LCP2: variants seen among roughly 807,000 people sequenced by gnomAD.
The protein encoded by LCP2 is lymphocyte cytosolic protein 2.
Under a neutral mutation model 74.5 loss-of-function variants are expected in LCP2, and 29 were observed. The ratio of observed to expected loss-of-function variants is 0.39; its 90% CI spans 0.29 to 0.53. The LOEUF (loss-of-function observed/expected upper bound fraction) is 0.53. Among genes scored for constraint, LCP2 ranks in the 20% least tolerant of loss-of-function variants. The pLI is 0.72. For synonymous variants in LCP2, 228 were observed against 229.5 expected, an observed-to-expected ratio of 0.99 and a Z score of 0.06; for missense variants, 604 against 634.6, an observed-to-expected ratio of 0.95 and a Z score of 0.52.
chr5:170,253,517 T>G (rs531415518), intron 17 of LCP2, among the ~76,000 whole-genome samples: 8 of 152,278 alleles, frequency 5.3e-5, no homozygotes, highest in East Asian at 1.9e-4. Flanking sequence ...ATAAAAAAAT[T>G]CGCAATTGTT....
At position 170,248,993 on chromosome 5, in the gene LCP2, A is replaced by G. The variant is rs1434910791; in HGVS notation, c.1480-174T>C. 2.0e-5 allele frequency among the ~76,000 whole-genome samples: 3 copies of G among 152,192 alleles called. No individual in the cohort carries two copies. In the East Asian group the frequency reaches 5.8e-4, roughly 29 times the overall value. ...TGATTTCTGCTATAGAACTTTGAAA[A>G]AATTCCTCATAAACATCCAACAAAC... On this transcript the variant is annotated intron_variant, in intron 20 of 20. Transcript: ENST00000046794.
intron 1 of LCP2, among the ~76,000 whole-genome samples, chr5:170,293,718 C>T (rs956570334): frequency 5.3e-5 from 8 of 152,198 alleles, no homozygotes; most frequent in African/African-American, 1.9e-4. Context: ...CCAGAGACGA[C>T]CTCGGTGTTT....
chr5:170,263,096 T>TA, intron 10 of LCP2, 104 bp from the exon 11 acceptor site: 1 of 1,342,318 alleles, frequency 7.4e-7, no homozygotes, highest in Non-Finnish European at 1.0e-6. Context: ...CTCTTGGGGG[T>TA]TGATGGGGTT....
intron 6 of LCP2, among the ~76,000 whole-genome samples, chr5:170,272,705 C>T (rs565344617): frequency 1.4e-5 from 2 of 146,100 alleles, no homozygotes; most frequent in East Asian, 2.0e-4. Flanking sequence ...CTCCACCTCC[C>T]GGGTTCAAGC....
At chr5:170,290,986 AAGAAAGAAAGAAAGAG>A (rs1452208715) in intron 2 of LCP2, among the ~76,000 whole-genome samples, 1,813 of 94,806 alleles carry the variant, frequency 0.019, 44 homozygotes, top group African/African-American at 0.064. Flanking sequence ...GAAAGAAAGA[AAGAAAGAAAGAAAGAG>A]AGAAAGAAAG....
Position 170,253,151 on chromosome 5 carries a change from T to G in LCP2, c.1213A>C (p.Lys405Gln). Residue 405 changes from lysine to glutamine, a missense_variant, in exon 18 of 21, where the codon AAA becomes CAA. Physicochemically the swap from Lys to Gln is moderately conservative, Grantham distance 53. Coordinates refer to ENST00000046794, the MANE Select transcript of LCP2 (RefSeq NM_005565.5). ...TCCGCGGGGGATGGGGGCCGAGGTT[T>G]GTTTGGAAGTGGCAAGGGGAAGTTT... is the stretch of plus-strand genomic sequence containing the variant. ...GRNFPLPLPN[K>Q]PRPPSPAEEE... 2 of 1,612,240 alleles carry G rather than the reference T, an allele frequency of 1.2e-6. No individual in the cohort carries two copies. The highest frequency in any genetic ancestry group is 1.7e-6 in the Non-Finnish European group (2 of 1,179,182).
At chr5:170,279,697 T>C (rs1426486204) in intron 3 of LCP2, among the ~76,000 whole-genome samples, 1 of 152,182 alleles carries the variant, frequency 6.6e-6, no homozygotes, top group Non-Finnish European at 1.5e-5. Flanking sequence ...TTGACACTGA[T>C]GAAATTGTTT....
intron 3 of LCP2, among the ~76,000 whole-genome samples, chr5:170,279,964 G>C (rs906875269): frequency 8.6e-5 from 13 of 151,956 alleles, no homozygotes; most frequent in African/African-American, 2.9e-4. Context: ...GAAAAGGAGG[G>C]AGAGAGAGAG....
At chr5:170,274,210 C>T in intron 6 of LCP2, 91 bp downstream of exon 6, 1 of 1,338,882 alleles carries the variant, frequency 7.5e-7, no homozygotes, top group Non-Finnish European at 1.1e-6. Flanking sequence ...ATGTTAGAGC[C>T]CCGCTTCACT....
Position 170,248,439 on chromosome 5 carries a change from G to T in LCP2, c.*258C>A. On this transcript the variant is annotated 3_prime_UTR_variant, in exon 21 of 21. Coordinates refer to ENST00000046794, the MANE Select transcript of LCP2 (RefSeq NM_005565.5). ...GGCATTAAATAATCTTTTAAAAAAT[G>T]AATTATTACAGTGCACTACTAGACT... 1.3e-5 allele frequency: 4 copies of T among 313,964 alleles called. No individual in the cohort carries two copies. Among genetic ancestry groups the T allele is most frequent in the Non-Finnish European group, 2.4e-5 (4 of 169,026 alleles). 19.4% of individuals were successfully genotyped at this position (313,964 alleles called of 1,614,324 possible).
rs544609236 is a variant in LCP2 at position 170,256,388 on chromosome 5, G to A, written c.1150+138C>T. On this transcript the variant is annotated intron_variant, in intron 17 of 20. Transcript: ENST00000046794. This position sits in a 1 kb window ranked among gnomAD's most constrained non-coding sequence, Gnocchi z 4.5. ...ACAGCCCTTGGCACACTGCAGACAC[G>A]GAATTAAATGTTGAATGAGGAAATC... The A allele has an allele frequency of 8.3e-6, 6 of 719,996 alleles. No homozygotes were observed. Among genetic ancestry groups the A allele is most frequent in the East Asian group, 2.7e-5 (1 of 37,146 alleles). 44.6% of individuals were successfully genotyped at this position (719,996 alleles called of 1,614,324 possible).
chr5:170,247,474 T>G lies in LCP2; in HGVS notation c.*1223A>C, dbSNP rs1266299993. On this transcript the variant is annotated 3_prime_UTR_variant, in exon 21 of 21. Coordinates refer to ENST00000046794, the MANE Select transcript of LCP2 (RefSeq NM_005565.5). ...TTTTCCATTTCGAAAACTTGTAGAT[T>G]AAGCAGAGACGCCAAAAATTGTTGC... is the stretch of plus-strand genomic sequence containing the variant. 6.6e-6 allele frequency: 1 copy of G among 152,238 alleles called. No individual in the cohort carries two copies. The highest frequency in any genetic ancestry group is 1.5e-5 in the Non-Finnish European group (1 of 68,040). The allele number at this position is 152,238 out of a possible 1,614,324, so 9.4% of individuals were successfully genotyped here.
chr5:170,274,059 TTGTC>T (rs1183859057), intron 6 of LCP2: 2 of 550,650 alleles, frequency 3.6e-6, no homozygotes, highest in African/African-American at 3.8e-5. Context: ...TGTTTGCTCA[TTGTC>T]TGTGGCTGCT....
chr5:170,280,285 CT>C (rs1057158120), intron 3 of LCP2, among the ~76,000 whole-genome samples: 3 of 152,148 alleles, frequency 2.0e-5, no homozygotes, highest in African/African-American at 7.2e-5. Flanking sequence ...GCCTCTCCCC[CT>C]GTGCTGTTCT....
chr5:170,261,941 C>G (rs1761662211), intron 13 of LCP2, among the ~76,000 whole-genome samples: 1 of 152,166 alleles, frequency 6.6e-6, no homozygotes, highest in Non-Finnish European at 1.5e-5. Flanking sequence ...AAACATTACT[C>G]TAAAATGTTA....
intron 6 of LCP2, among the ~76,000 whole-genome samples, chr5:170,273,489 G>T (rs773952402): frequency 6.6e-5 from 10 of 152,078 alleles, no homozygotes; most frequent in South Asian, 2.1e-4. Flanking sequence ...CCTTCTGAAG[G>T]CACTAGAGGT....
chr5:170,281,494 A>G (rs576491754), intron 3 of LCP2, among the ~76,000 whole-genome samples: 9 of 152,252 alleles, frequency 5.9e-5, no homozygotes, highest in Non-Finnish European at 1.2e-4. Context: ...GTTAGCCAGG[A>G]TGGTCTCGAT....
chr5:170,254,173 G>T (rs1392196355), intron 17 of LCP2, among the ~76,000 whole-genome samples: 2 of 152,128 alleles, frequency 1.3e-5, no homozygotes, highest in Admixed American at 1.3e-4. Flanking sequence ...TGCATATGGG[G>T]AAATACAGGC....
At chr5:170,278,732 C>T (rs1581070402) in intron 3 of LCP2, among the ~76,000 whole-genome samples, 2 of 152,084 alleles carry the variant, frequency 1.3e-5, no homozygotes, top group South Asian at 4.1e-4. Context: ...TCACCAGTAT[C>T]TCTAGCAGCC....
Sources: allele counts gnomAD v4.1 joint callset (sites outside exome capture counted in the v4.1 genomes callset), GRCh38; gene constraint gnomAD v4.1.1; non-coding constraint Gnocchi (gnomAD v3.1); transcripts MANE v1.5; gene names NCBI Gene and HGNC (gene_info 2026-07-23, HGNC 2026-07-21).